The following PNKD variants were observed in gnomAD, a reference collection of about 807,000 sequenced individuals.
PNKD encodes the protein probable thioesterase PNKD.
PNKD carries 36 observed loss-of-function variants against 45.3 expected under a neutral mutation model. The ratio of observed to expected loss-of-function variants is 0.80; its 90% CI spans 0.61 to 1.05. The LOEUF (loss-of-function observed/expected upper bound fraction) is 1.05, where lower values mean the gene tolerates loss of function less well. Ranked by LOEUF, PNKD falls within the 50% of genes least tolerant of loss-of-function variation. The pLI is 0.00. For synonymous variants in PNKD, 197 were observed against 210.1 expected (o/e 0.94, Z 0.54); for missense variants, 511 against 506.6 (o/e 1.01, Z -0.08).
intron 2 of PNKD, among the ~76,000 whole-genome samples, chr2:218,282,708 G>A (rs1255366713): frequency 6.6e-6 from 1 of 152,210 alleles, no homozygotes; most frequent in African/African-American, 2.4e-5. Flanking sequence ...AGAAGTGGAG[G>A]AAAACAAGCT....
chr2:218,270,558 C>T lies in PNKD; in HGVS notation c.23C>T (p.Thr8Met). 2.4e-6 allele frequency: 3 copies of T among 1,233,090 alleles called. No homozygotes were observed. Among genetic ancestry groups the T allele is most frequent in the South Asian group, 3.0e-5 (1 of 33,696 alleles). The allele number at this position is 1,233,090 out of a possible 1,614,324, so 76.4% of individuals were successfully genotyped here. MAAVVAATALKGRGARNA... is the reference protein window; with the variant it reads MAAVVAAMALKGRGARNA... ...AACATGGCGGCGGTGGTAGCTGCTA[C>T]GGCGCTGAAGGGCCGGGGGGCGAGA... The change falls in exon 1 of 10, where the codon ACG becomes ATG. Residue 8 changes from threonine (T) to methionine (M), a missense_variant. Coordinates refer to ENST00000273077, the MANE Select transcript of PNKD (RefSeq NM_015488.5).
rs181285352 is a variant in PNKD at position 218,319,195 on chromosome 2, C to T, written c.237-20588C>T. On this transcript the variant is annotated intron_variant, in intron 2 of 9. Transcript: ENST00000273077. ...GTCTCGAACTCCTGACCTTGTGATC[C>T]GCCCTCATCAGCCTCCCAAAGTGTT... is the stretch of plus-strand genomic sequence containing the variant. 3.8e-4 allele frequency among the ~76,000 whole-genome samples: 56 copies of T among 148,270 alleles called. No individual in the cohort carries two copies. In the East Asian group the frequency reaches 0.01, roughly 26 times the overall value.
intron 2 of PNKD, among the ~76,000 whole-genome samples, chr2:218,298,044 C>T (rs1489006255): frequency 1.3e-5 from 2 of 151,996 alleles, no homozygotes; most frequent in Non-Finnish European, 2.9e-5. Context: ...ATTTCTCTAC[C>T]TCCTGTGACT....
Position 218,344,961 on chromosome 2 carries a change from GATATGC to G in PNKD, c.1140_1145del (p.Met381_His382del), listed in dbSNP as rs576363906. 1.1e-3 allele frequency: 1,852 copies of G among 1,613,744 alleles called. 3 individuals are homozygous for G. Among genetic ancestry groups the G allele is most frequent in the Non-Finnish European group, 1.5e-3 (1,747 of 1,179,894 alleles). ...CCTGGAAGAGCTCCGCCGGCTGAAG[GATATGC>G]ACAAGAGCAAGTGATGCCCCCAGCG... On this transcript the variant is annotated inframe_deletion, in exon 10 of 10. Transcript: ENST00000273077.
intron 2 of PNKD, among the ~76,000 whole-genome samples, chr2:218,282,548 G>C (rs1387231756): frequency 1.3e-5 from 2 of 152,258 alleles, no homozygotes; most frequent in African/African-American, 2.4e-5. Context: ...GAAGAAGCCA[G>C]ATGGGCCAGG....
chr2:218,313,903 CTTTTTTTT>C (rs10550174), intron 2 of PNKD, among the ~76,000 whole-genome samples: 3 of 77,722 alleles, frequency 3.9e-5, no homozygotes, highest in Admixed American at 3.4e-4. Context: ...TTCTTTATTT[CTTTTTTTT>C]TTTTTTTTTT....
chr2:218,290,906 G>T (rs1692888965), intron 2 of PNKD, among the ~76,000 whole-genome samples: 1 of 152,226 alleles, frequency 6.6e-6, no homozygotes, highest in Non-Finnish European at 1.5e-5. Flanking sequence ...GTTGTTAGCA[G>T]AACTTCTTCC....
intron 2 of PNKD, among the ~76,000 whole-genome samples, chr2:218,324,177 C>A (rs1211829811): frequency 6.6e-6 from 1 of 152,144 alleles, no homozygotes. Flanking sequence ...ACTGTTCAGC[C>A]CCAGGGACAC....
chr2:218,272,445 G>A (rs1471340474), intron 2 of PNKD: 1 of 867,356 alleles, frequency 1.2e-6, no homozygotes, highest in East Asian at 2.6e-5. Context: ...CAGCACAGAG[G>A]ATGAATAGAC....
intron 2 of PNKD, among the ~76,000 whole-genome samples, chr2:218,310,592 C>CTT (rs58558174): frequency 0.43 from 50,046 of 115,502 alleles, 12,370 homozygotes; most frequent in South Asian, 0.61. Flanking sequence ...TGCTTTATTG[C>CTT]TTTTTTTTTT....
chr2:218,334,539 A>G lies in PNKD; in HGVS notation c.237-5244A>G, dbSNP rs1694432930. Reference sequence around the variant, plus strand: ...ATGGTGGCACGCACCTGTAGTCCCAACTACTCAGGAGGCTGAGGCGGGAGG... The same window carrying G: ...ATGGTGGCACGCACCTGTAGTCCCAGCTACTCAGGAGGCTGAGGCGGGAGG... On this transcript the variant is annotated intron_variant, in intron 2 of 9. Transcript: ENST00000273077. Among the ~76,000 whole-genome samples the G allele has an allele frequency of 1.3e-5, 2 of 152,164 alleles. 1 individual carries two copies. The highest frequency in any genetic ancestry group is 1.3e-4 in the Admixed American group (2 of 15,266).
intron 2 of PNKD, among the ~76,000 whole-genome samples, chr2:218,332,894 T>G (rs1694371446): frequency 6.6e-6 from 1 of 152,166 alleles, no homozygotes; most frequent in Admixed American, 6.6e-5. Flanking sequence ...CCAGCACTGT[T>G]GGTCCCTCCA....
chr2:218,271,572 C>A, intron 2 of PNKD, 23 bp downstream of exon 2: 1 of 1,608,036 alleles, frequency 6.2e-7, no homozygotes, highest in Non-Finnish European at 8.5e-7. Flanking sequence ...CACCCCTTTG[C>A]CCACCAACGG....
intron 2 of PNKD, among the ~76,000 whole-genome samples, chr2:218,301,199 A>C (rs927947719): frequency 6.6e-6 from 1 of 152,222 alleles, no homozygotes; most frequent in African/African-American, 2.4e-5. Flanking sequence ...TTATAGTTGC[A>C]CTAACCACAT....
At chr2:218,323,186 CA>C (rs1230591578) in intron 2 of PNKD, 14 of 1,382,118 alleles carry the variant, frequency 1.0e-5, no homozygotes, top group Non-Finnish European at 1.1e-5. Flanking sequence ...AGCCGGCAGG[CA>C]GGTTCCCCGC....
chr2:218,342,274 T>C lies in PNKD; in HGVS notation c.781+130T>C, dbSNP rs576726711. 2.1e-5 allele frequency: 16 copies of C among 764,582 alleles called. No individual in the cohort carries two copies. The African/African-American group carries it at 2.6e-4, about 12-fold the overall frequency. The allele number at this position is 764,582 out of a possible 1,614,324, so 47.4% of individuals were successfully genotyped here. On this transcript the variant is annotated intron_variant, in intron 7 of 9. Coordinates refer to ENST00000273077, the MANE Select transcript of PNKD (RefSeq NM_015488.5). ...TGTTGCCGTGGCAGTTACTTCCATCTGTGTTACTCAGATTGGTTTTAATCC... is the reference window on the plus strand; with the variant it reads ...TGTTGCCGTGGCAGTTACTTCCATCCGTGTTACTCAGATTGGTTTTAATCC...
At chr2:218,303,419 T>C (rs778468301) in intron 2 of PNKD, among the ~76,000 whole-genome samples, 1 of 151,848 alleles carries the variant, frequency 6.6e-6, no homozygotes, top group Non-Finnish European at 1.5e-5. Flanking sequence ...TTTAGGAGAA[T>C]CACCCTGGCT....
At chr2:218,306,114 G>A (rs1215862999) in intron 2 of PNKD, among the ~76,000 whole-genome samples, 2 of 152,206 alleles carry the variant, frequency 1.3e-5, no homozygotes, top group East Asian at 3.9e-4. Context: ...ATAGTGATCA[G>A]GGCAGGCTGG....
At position 218,346,426 on chromosome 2, in the gene PNKD, C is replaced by T. The variant is rs1396085398; in HGVS notation, c.*1445C>T. 6.5e-6 allele frequency: 1 copy of T among 153,804 alleles called. No homozygotes were observed. The highest frequency in any genetic ancestry group is 1.5e-5 in the Non-Finnish European group (1 of 68,138). 9.5% of individuals were successfully genotyped at this position (153,804 alleles called of 1,614,324 possible). A position where few individuals can be genotyped will look rare whatever the true frequency, so the allele number is the denominator to read the frequency against. ...AGAGTTCCCCACTCACCAAGCAAGA[C>T]ATGCAGTTTCATGCCTCTGTGCCTT... On this transcript the variant is annotated 3_prime_UTR_variant, in exon 10 of 10. Coordinates refer to ENST00000273077, the MANE Select transcript of PNKD (RefSeq NM_015488.5).
Sources: allele counts gnomAD v4.1 joint callset (sites outside exome capture counted in the v4.1 genomes callset), GRCh38; gene constraint gnomAD v4.1.1; transcripts MANE v1.5; gene names NCBI Gene and HGNC (gene_info 2026-07-23, HGNC 2026-07-21).